WASF3: variants seen among roughly 807,000 people sequenced by gnomAD.
The protein encoded by WASF3 is WASP family member 3.
Under a neutral mutation model 46.6 loss-of-function variants are expected in WASF3, and 11 were observed. That is an observed-to-expected ratio of 0.24 (90% CI 0.15 to 0.39). The LOEUF (loss-of-function observed/expected upper bound fraction) is 0.39, where lower values mean the gene tolerates loss of function less well. Among genes scored for constraint, WASF3 ranks in the 10% least tolerant of loss-of-function variants. The probability of loss-of-function intolerance (pLI) is 1.00; values close to 1 mark genes in which losing one functional copy is unlikely to be tolerated. For missense variants in WASF3, 576 were observed against 669.8 expected (o/e 0.86, Z 1.55); for synonymous variants, 242 against 259.7 (o/e 0.93, Z 0.65).
intron 1 of WASF3, among the ~76,000 whole-genome samples, chr13:26,597,443 T>TG: frequency 1.3e-5 from 2 of 151,994 alleles, no homozygotes; most frequent in South Asian, 2.1e-4. Context: ...CCCCTTGATT[T>TG]TTTGTTGTTG....
At chr13:26,643,552 G>T (rs1001815088) in intron 3 of WASF3, among the ~76,000 whole-genome samples, 1 of 152,086 alleles carries the variant, frequency 6.6e-6, no homozygotes, top group African/African-American at 2.4e-5. Context: ...TTGACTTTTG[G>T]TAGTGGTAAT....
At chr13:26,578,108 C>T (rs1879856276) in intron 1 of WASF3, among the ~76,000 whole-genome samples, 2 of 152,136 alleles carry the variant, frequency 1.3e-5, no homozygotes, top group African/African-American at 4.8e-5. Flanking sequence ...ACTTTCTCCT[C>T]CTTTCCCCCC....
the WASF3 span, among the ~76,000 whole-genome samples, chr13:26,541,655 T>TG: frequency 6.7e-6 from 1 of 149,388 alleles, no homozygotes; most frequent in Non-Finnish European, 1.5e-5. Flanking sequence ...CTTTTTTTTT[T>TG]CTTTTTTAGA....
intron 3 of WASF3, among the ~76,000 whole-genome samples, chr13:26,654,828 T>G (rs1020770880): frequency 6.6e-6 from 1 of 152,188 alleles, no homozygotes; most frequent in African/African-American, 2.4e-5. Flanking sequence ...TTCCTGTATT[T>G]TCTGTATTTC....
intron 1 of WASF3, among the ~76,000 whole-genome samples, chr13:26,559,942 C>A (rs1016861824): frequency 7.3e-5 from 11 of 150,032 alleles, no homozygotes; most frequent in African/African-American, 2.2e-4. Flanking sequence ...CTCAGACTCC[C>A]GAGTAGCTGG....
intron 2 of WASF3, among the ~76,000 whole-genome samples, chr13:26,639,572 A>T (rs572983865): frequency 6.6e-6 from 1 of 152,322 alleles, no homozygotes; most frequent in South Asian, 2.1e-4. Context: ...CCAGGCACAG[A>T]GACCCCTACA....
At chr13:26,634,147 C>T (rs1881742988) in intron 2 of WASF3, among the ~76,000 whole-genome samples, 1 of 152,182 alleles carries the variant, frequency 6.6e-6, no homozygotes, top group African/African-American at 2.4e-5. Flanking sequence ...TCTCTAAAGA[C>T]TTGCTTTATG....
rs1340419576 is a variant in WASF3 at position 26,681,301 on chromosome 13, A to C, written c.964A>C (p.Met322Leu). The C allele has an allele frequency of 8.7e-6, 14 of 1,603,750 alleles. No homozygotes were observed. The highest frequency in any genetic ancestry group is 1.3e-5 in the African/African-American group (1 of 74,360). The change falls in exon 8 of 10, where the codon ATG becomes CTG. Residue 322 changes from methionine to leucine, a missense_variant. Transcript: ENST00000335327. Reference sequence around the variant, plus strand: ...AGAGGGGTCCCAGGCCTCTGCACCGATGGCTCCAGCAGACTACGGGTAACT... The same window carrying C: ...AGAGGGGTCCCAGGCCTCTGCACCGCTGGCTCCAGCAGACTACGGGTAACT... ...APEGSQASAP[M>L]APADYGMLPA...
intron 2 of WASF3, among the ~76,000 whole-genome samples, chr13:26,628,694 C>T (rs1455544740): frequency 6.6e-6 from 1 of 152,166 alleles, no homozygotes; most frequent in African/African-American, 2.4e-5. Flanking sequence ...GTGGTGGCAT[C>T]CAGAACTTGC....
At chr13:26,633,157 T>C (rs899617440) in intron 2 of WASF3, among the ~76,000 whole-genome samples, 9 of 151,604 alleles carry the variant, frequency 5.9e-5, no homozygotes, top group African/African-American at 2.2e-4. Context: ...AAGGATTTCT[T>C]GTGTCTTTAT....
rs1293915602 is a variant in WASF3, at chr13:26,682,885, GC to G, written c.1268del (p.Pro423GlnfsTer2). On this transcript the variant is annotated frameshift_variant, in exon 9 of 10. Coordinates refer to ENST00000335327, the MANE Select transcript of WASF3 (RefSeq NM_006646.6). LOFTEE classifies it high-confidence loss of function. The surrounding 1 kb of genome is among the most constrained non-coding windows in gnomAD (Gnocchi z 4.4). ...TCTCTTTCGTCCTCCCCAATGCATG[GC>G]CCCCCAGTAGCTGAGGCGAAGCGGC... ...GSSLSSSPMH[G>X]PPVAEAKRQE... The G allele has an allele frequency of 2.5e-6, 4 of 1,611,774 alleles. No individual in the cohort carries two copies. The highest frequency in any genetic ancestry group is 8.5e-7 in the Non-Finnish European group (1 of 1,179,956).
intron 1 of WASF3, among the ~76,000 whole-genome samples, chr13:26,608,875 A>G (rs1179194701): frequency 3.3e-5 from 5 of 152,224 alleles, no homozygotes; most frequent in Non-Finnish European, 7.3e-5. Context: ...AATCTCATAA[A>G]TAGAACATTA....
intron 1 of WASF3, among the ~76,000 whole-genome samples, chr13:26,564,900 G>GTTTTTTTTTTTTTTTTTTTTTT (rs66809412): frequency 8.6e-5 from 7 of 81,634 alleles, no homozygotes; most frequent in Admixed American, 1.6e-4. Context: ...CAAGGTTGTG[G>GTTTTTTTTTTTTTTTTTTTTTT]TTTTTTTTTT....
chr13:26,661,358 G>T (rs2137456735), intron 3 of WASF3, among the ~76,000 whole-genome samples: 2 of 152,278 alleles, frequency 1.3e-5, no homozygotes, highest in East Asian at 3.9e-4. Context: ...CATATAAGTG[G>T]AATCGTACAG....
At chr13:26,543,856 T>C in the WASF3 span, among the ~76,000 whole-genome samples, 1 of 152,206 alleles carries the variant, frequency 6.6e-6, no homozygotes, top group Non-Finnish European at 1.5e-5. Flanking sequence ...AAGGCTTCAC[T>C]GCAATAATCA....
At chr13:26,593,424 T>C (rs1162413552) in intron 1 of WASF3, among the ~76,000 whole-genome samples, 1 of 152,190 alleles carries the variant, frequency 6.6e-6, no homozygotes, top group African/African-American at 2.4e-5. Context: ...CCTTTATTTT[T>C]CTAGGCCATT....
intron 1 of WASF3, chr13:26,577,223 C>A: frequency 2.7e-6 from 2 of 730,530 alleles, no homozygotes; most frequent in South Asian, 2.9e-5. Context: ...GTTCCATGGT[C>A]AAAAAATGGC....
chr13:26,627,044 T>C (rs1881486292), intron 2 of WASF3, among the ~76,000 whole-genome samples: 2 of 152,184 alleles, frequency 1.3e-5, no homozygotes, highest in East Asian at 1.9e-4. Flanking sequence ...CACATTGATA[T>C]GATTTTGAAA....
intron 6 of WASF3, among the ~76,000 whole-genome samples, chr13:26,675,135 TTTTAA>T (rs559140697): frequency 8.5e-4 from 130 of 152,266 alleles, no homozygotes; most frequent in African/African-American, 3.0e-3. Flanking sequence ...ATCTTCCCTC[TTTTAA>T]TTTGTTTTCT....
Sources: gnomAD v4.1 joint callset for allele counts (sites outside exome capture counted in the v4.1 genomes callset) on GRCh38, gnomAD v4.1.1 for gene constraint, Gnocchi (gnomAD v3.1) non-coding constraint, MANE v1.5 for transcripts, NCBI Gene and HGNC (gene_info 2026-07-23, HGNC 2026-07-21) for gene names.